The following HLCS variants were observed in gnomAD, a reference collection of about 807,000 sequenced individuals.
HLCS encodes the protein biotin--protein ligase.
In HLCS, 53 loss-of-function variants were observed where a neutral mutation model predicts 75.0. The ratio of observed to expected loss-of-function variants is 0.71; its 90% CI spans 0.57 to 0.89. HLCS has a LOEUF of 0.89. Among genes scored for constraint, HLCS ranks in the 40% least tolerant of loss-of-function variants. The pLI is 0.00. For missense variants in HLCS, 966 were observed against 1,074.0 expected (o/e 0.90, Z 1.41); for synonymous variants, 431 against 428.6 (o/e 1.01, Z -0.07).
chr21:36,798,883 T>C (rs1372739608), intron 6 of HLCS, among the ~76,000 whole-genome samples: 2 of 152,254 alleles, frequency 1.3e-5, no homozygotes, highest in Non-Finnish European at 2.9e-5. Flanking sequence ...AATTGAGTTG[T>C]CTTAATATTG....
At chr21:36,817,710 C>T (rs1273661281) in intron 6 of HLCS, among the ~76,000 whole-genome samples, 1 of 152,174 alleles carries the variant, frequency 6.6e-6, no homozygotes. Flanking sequence ...TCAAAAAGTA[C>T]TACTCCATTA....
chr21:36,844,332 T>A (rs2062721592), intron 6 of HLCS, among the ~76,000 whole-genome samples: 1 of 151,284 alleles, frequency 6.6e-6, no homozygotes, highest in African/African-American at 2.4e-5. Context: ...ATGTTAATAA[T>A]AGGGGGAAAC....
chr21:36,933,740 A>C (rs2146510561), intron 4 of HLCS, among the ~76,000 whole-genome samples: 1 of 152,280 alleles, frequency 6.6e-6, no homozygotes, highest in South Asian at 2.1e-4. Context: ...GAAATGAAAT[A>C]AGTCAAGTTC....
chr21:36,893,849 C>T (rs142615622), intron 6 of HLCS, among the ~76,000 whole-genome samples: 116 of 152,280 alleles, frequency 7.6e-4, no homozygotes, highest in African/African-American at 2.6e-3. Context: ...GTATGAGATT[C>T]GTGGATTTGT....
At chr21:36,857,074 C>T (rs368316558) in intron 6 of HLCS, among the ~76,000 whole-genome samples, 3 of 152,192 alleles carry the variant, frequency 2.0e-5, no homozygotes, top group Non-Finnish European at 4.4e-5. Flanking sequence ...GTTTACATGG[C>T]GCCATGCAAA....
At position 36,897,118 on chromosome 21, in the gene HLCS, G is replaced by A; in HGVS notation, c.1634C>T (p.Pro545Leu). 6.2e-7 allele frequency: 1 copy of A among 1,614,060 alleles called. No homozygotes were observed. The change falls in exon 6 of 11, where the codon CCT becomes CTT. Residue 545 changes from proline (P) to leucine (L), a missense_variant. Physicochemically the swap from Pro to Leu is moderately conservative, Grantham distance 98. Coordinates refer to ENST00000674895, the MANE Select transcript of HLCS (RefSeq NM_001352514.2). The part of the protein sequence containing the change: ...LLSAAEEIRD[P>L]LMQWLGKHVD... The stretch of plus-strand genomic sequence containing the variant: ...ATGTTTCCCAAGCCACTGCATAAGA[G>A]GATCCCTGATTTCCTGTGTCATAAA...
chr21:36,904,377 G>A (rs768919439), intron 5 of HLCS, among the ~76,000 whole-genome samples: 20 of 152,092 alleles, frequency 1.3e-4, no homozygotes, highest in Non-Finnish European at 2.1e-4. Context: ...ACTTAGACAC[G>A]TACAAATCTG....
rs188057190 is a variant in HLCS, at chr21:36,844,816, G to A, written c.1892+52044C>T. 1.6e-3 allele frequency among the ~76,000 whole-genome samples: 249 copies of A among 152,162 alleles called. 1 individual carries two copies. The highest frequency in any genetic ancestry group is 5.9e-3 in the African/African-American group (244 of 41,520). On this transcript the variant is annotated intron_variant, in intron 6 of 10. Transcript: ENST00000674895. ...ACCGTGGGGAGAAATCCGATCGATT[G>A]GGTCCATAAGGAAAGATGTATGCAT...
intron 2 of HLCS, among the ~76,000 whole-genome samples, chr21:36,939,899 A>C (rs1427339214): frequency 6.6e-6 from 1 of 152,154 alleles, no homozygotes; most frequent in Admixed American, 6.5e-5. Context: ...AAATACAAAA[A>C]TTAGCCGGGC....
At position 36,931,888 on chromosome 21, in the gene HLCS, T is replaced by A. The variant is rs186313432; in HGVS notation, c.1438-1455A>T. ...ACTTCCCAGCCGGGGCCACTGTCTG[T>A]GGGTCCGTACGCTCTCCCCATGTCT... On this transcript the variant is annotated intron_variant, in intron 4 of 10. Coordinates refer to ENST00000674895, the MANE Select transcript of HLCS (RefSeq NM_001352514.2). 2.3e-4 allele frequency among the ~76,000 whole-genome samples: 35 copies of A among 152,352 alleles called. No homozygotes were observed. In the East Asian group the frequency reaches 5.4e-3, roughly 24 times the overall value.
At chr21:36,781,055 C>G (rs918487505) in intron 6 of HLCS, among the ~76,000 whole-genome samples, 9 of 151,572 alleles carry the variant, frequency 5.9e-5, no homozygotes, top group Non-Finnish European at 1.2e-4. Context: ...ACCACCTGAG[C>G]TCCACTTCCT....
At chr21:36,931,476 AT>A (rs2066639605) in intron 4 of HLCS, among the ~76,000 whole-genome samples, 1 of 151,962 alleles carries the variant, frequency 6.6e-6, no homozygotes, top group South Asian at 2.1e-4. Flanking sequence ...GAGGCTGGGT[AT>A]AAAGGCTCAC....
At chr21:36,837,936 A>C (rs1395773721) in intron 6 of HLCS, among the ~76,000 whole-genome samples, 1 of 152,204 alleles carries the variant, frequency 6.6e-6, no homozygotes, top group Non-Finnish European at 1.5e-5. Flanking sequence ...CCAATATCTG[A>C]ATAATCCTTA....
At chr21:36,923,233 C>T (rs2066252957) in intron 5 of HLCS, among the ~76,000 whole-genome samples, 1 of 152,186 alleles carries the variant, frequency 6.6e-6, no homozygotes, top group Admixed American at 6.5e-5. Context: ...CACCGACTTC[C>T]CTGGGAGGTG....
intron 6 of HLCS, among the ~76,000 whole-genome samples, chr21:36,887,395 A>G (rs1265378099): frequency 6.6e-6 from 1 of 152,202 alleles, no homozygotes; most frequent in Non-Finnish European, 1.5e-5. Flanking sequence ...AATGGTAAAC[A>G]TCAAAATAAC....
At chr21:36,829,154 G>C (rs920456278) in intron 6 of HLCS, among the ~76,000 whole-genome samples, 1 of 152,112 alleles carries the variant, frequency 6.6e-6, no homozygotes, top group Non-Finnish European at 1.5e-5. Context: ...GCTCACTTAC[G>C]CATCTGTTGT....
chr21:36,854,397 A>G (rs1350778377), intron 6 of HLCS, among the ~76,000 whole-genome samples: 1 of 152,208 alleles, frequency 6.6e-6, no homozygotes, highest in Admixed American at 6.5e-5. Flanking sequence ...AAGGACGCTT[A>G]GAGTGATGCT....
intron 5 of HLCS, among the ~76,000 whole-genome samples, chr21:36,927,294 T>C (rs931825154): frequency 1.3e-5 from 2 of 152,190 alleles, no homozygotes; most frequent in Admixed American, 6.5e-5. Context: ...CTGGGTTTTA[T>C]AGTGGGAATC....
intron 4 of HLCS, among the ~76,000 whole-genome samples, chr21:36,934,555 A>C (rs141538277): frequency 7.9e-5 from 12 of 152,326 alleles, no homozygotes; most frequent in African/African-American, 2.6e-4. Flanking sequence ...CACAGCCTTA[A>C]GTTTTCCCTG....
Sources: gnomAD v4.1 joint callset for allele counts (sites outside exome capture counted in the v4.1 genomes callset) on GRCh38, gnomAD v4.1.1 for gene constraint, MANE v1.5 for transcripts, NCBI Gene and HGNC (gene_info 2026-07-23, HGNC 2026-07-21) for gene names.